The following ARF3 variants were observed in gnomAD, a reference collection of about 807,000 sequenced individuals.
ARF3 encodes the protein ARF GTPase 3.
A neutral mutation model predicts 19.3 loss-of-function variants in ARF3; 5 were observed. The ratio of observed to expected loss-of-function variants is 0.26; its 90% CI spans 0.14 to 0.54. The LOEUF is 0.54. Among genes scored for constraint, ARF3 ranks in the 20% least tolerant of loss-of-function variants. The pLI, the probability that ARF3 is intolerant of heterozygous loss-of-function variation, is 0.95. For missense variants in ARF3, 77 were observed against 234.2 expected (o/e 0.33, Z 4.38); for synonymous variants, 71 against 89.2 (o/e 0.80, Z 1.15).
chr12:48,945,734 C>A (rs954700863), intron 1 of ARF3, among the ~76,000 whole-genome samples: 3 of 152,110 alleles, frequency 2.0e-5, no homozygotes, highest in African/African-American at 2.4e-5. Context: ...AAATAAATAT[C>A]CAGTAGCTAT....
Position 48,938,841 on chromosome 12 carries a change from C to T in ARF3, c.*106G>A. On this transcript the variant is annotated 3_prime_UTR_variant, in exon 5 of 5. Transcript: ENST00000256682. ...TTGCTGGGCATGTGGACATGATACC[C>T]AGGGCCCTGGCCACACTTGCATGGA... 6.9e-7 allele frequency: 1 copy of T among 1,441,966 alleles called. No individual in the cohort carries two copies. The highest frequency in any genetic ancestry group is 9.4e-7 in the Non-Finnish European group (1 of 1,067,636). The allele number at this position is 1,441,966 out of a possible 1,614,324, so 89.3% of individuals were successfully genotyped here. A position where few individuals can be genotyped will look rare whatever the true frequency, so the allele number is the denominator to read the frequency against.
intron 1 of ARF3, among the ~76,000 whole-genome samples, chr12:48,949,288 C>T (rs7976473): frequency 0.37 from 55,646 of 151,750 alleles, 11,556 homozygotes; most frequent in South Asian, 0.53. Context: ...TGCAGTGGCG[C>T]GATCTCGGCT....
chr12:48,940,704 G>A (rs1940241060), intron 2 of ARF3, among the ~76,000 whole-genome samples: 2 of 152,182 alleles, frequency 1.3e-5, no homozygotes, highest in African/African-American at 4.8e-5. Context: ...AACCAACTCC[G>A]TGCCTGAGGG....
Position 48,938,623 on chromosome 12 carries a change from CCAAA to C in ARF3, c.*320_*323del. 1 of 445,402 alleles carries C rather than the reference CCAAA, an allele frequency of 2.2e-6. No individual in the cohort carries two copies. Among genetic ancestry groups the C allele is most frequent in the South Asian group, 1.6e-5 (1 of 61,226 alleles). The allele number at this position is 445,402 out of a possible 1,614,324, so 27.6% of individuals were successfully genotyped here. A position where few individuals can be genotyped will look rare whatever the true frequency, so the allele number is the denominator to read the frequency against. On this transcript the variant is annotated 3_prime_UTR_variant, in exon 5 of 5. Coordinates refer to ENST00000256682, the MANE Select transcript of ARF3 (RefSeq NM_001659.3). ...GATGCCAAGAGGACAGCAACCACTG[CCAAA>C]CAAAGAGAATACCCCACTCGACCTC...
In ARF3 at chr12:48,935,854, A is replaced by G. The variant is rs981975598; in HGVS notation, c.*3093T>C. On this transcript the variant is annotated 3_prime_UTR_variant, in exon 5 of 5. Coordinates refer to ENST00000256682, the MANE Select transcript of ARF3 (RefSeq NM_001659.3). ...AGAGTAGAGGCACATGGGGCCCTCC[A>G]AGTTCAGGGCCCTTCAGCCAGTGAA... The G allele has an allele frequency of 5.9e-5, 9 of 152,218 alleles. No homozygotes were observed. The highest frequency in any genetic ancestry group is 2.4e-5 in the African/African-American group (1 of 41,450). 9.4% of individuals were successfully genotyped at this position (152,218 alleles called of 1,614,324 possible). A position where few individuals can be genotyped will look rare whatever the true frequency, so the allele number is the denominator to read the frequency against.
chr12:48,947,481 C>A (rs573043456), intron 1 of ARF3, among the ~76,000 whole-genome samples: 6 of 152,014 alleles, frequency 3.9e-5, no homozygotes, highest in Non-Finnish European at 8.8e-5. Context: ...TAATTTTTTG[C>A]ATTTTTAGTA....
chr12:48,940,902 G>C (rs768114235), intron 2 of ARF3, 46 bp downstream of exon 2: 5 of 1,518,856 alleles, frequency 3.3e-6, no homozygotes, highest in Non-Finnish European at 4.4e-6. Flanking sequence ...TCCCTGCCCT[G>C]CCTCAGCTGC....
intron 1 of ARF3, among the ~76,000 whole-genome samples, chr12:48,946,246 G>A (rs1940357161): frequency 6.6e-6 from 1 of 152,178 alleles, no homozygotes; most frequent in African/African-American, 2.4e-5. Flanking sequence ...GCAGCTTTCT[G>A]CTTTGTGCCA....
In ARF3 at chr12:48,936,120, G is replaced by A. The variant is rs1442702278; in HGVS notation, c.*2827C>T. On this transcript the variant is annotated 3_prime_UTR_variant, in exon 5 of 5. Transcript: ENST00000256682. ...CTTTGCTGAAAGAAGGAGCACTATG[G>A]AGAGAGGGACCAGAAACAGGACTCC... 6.6e-6 allele frequency: 1 copy of A among 152,382 alleles called. No individual in the cohort carries two copies. The highest frequency in any genetic ancestry group is 2.4e-5 in the African/African-American group (1 of 41,426). 9.4% of individuals were successfully genotyped at this position (152,382 alleles called of 1,614,324 possible). A position where few individuals can be genotyped will look rare whatever the true frequency, so the allele number is the denominator to read the frequency against.
intron 1 of ARF3, among the ~76,000 whole-genome samples, chr12:48,943,894 C>T (rs1263167003): frequency 6.6e-6 from 1 of 152,142 alleles, no homozygotes; most frequent in Non-Finnish European, 1.5e-5. Context: ...TCAAGCCACC[C>T]GCTAGCCTTC....
At chr12:48,956,430 T>C (rs1408191153) in intron 1 of ARF3, 1 of 152,162 alleles carries the variant, frequency 6.6e-6, no homozygotes, top group Non-Finnish European at 1.5e-5. Context: ...GCTAATCAAG[T>C]GGCCCGTTTT....
At chr12:48,952,129 G>C (rs1340500796) in intron 1 of ARF3, among the ~76,000 whole-genome samples, 2 of 152,170 alleles carry the variant, frequency 1.3e-5, no homozygotes, top group Non-Finnish European at 2.9e-5. Flanking sequence ...TTAGGCTCAG[G>C]CCAGAATTGT....
Position 48,937,284 on chromosome 12 carries a change from C to G in ARF3, c.*1663G>C, listed in dbSNP as rs1565705263. The G allele has an allele frequency of 6.6e-6, 1 of 152,236 alleles. No individual in the cohort carries two copies. The highest frequency in any genetic ancestry group is 2.4e-5 in the African/African-American group (1 of 41,452). The allele number at this position is 152,236 out of a possible 1,614,324, so 9.4% of individuals were successfully genotyped here. A position where few individuals can be genotyped will look rare whatever the true frequency, so the allele number is the denominator to read the frequency against. On this transcript the variant is annotated 3_prime_UTR_variant, in exon 5 of 5. Coordinates refer to ENST00000256682, the MANE Select transcript of ARF3 (RefSeq NM_001659.3). ...ACTGGGAAGGGGTCCCTCAGCCATGCTGTGGGGGGCCCTGGGCCCTGACCT... is the reference window on the plus strand; with the variant it reads ...ACTGGGAAGGGGTCCCTCAGCCATGGTGTGGGGGGCCCTGGGCCCTGACCT...
At chr12:48,947,813 A>C (rs1940385499) in intron 1 of ARF3, among the ~76,000 whole-genome samples, 1 of 152,162 alleles carries the variant, frequency 6.6e-6, no homozygotes, top group African/African-American at 2.4e-5. Context: ...GTGATTCTGA[A>C]ACCTAATTCT....
intron 1 of ARF3, chr12:48,957,053 A>T (rs1940583115): frequency 6.6e-6 from 1 of 152,288 alleles, no homozygotes; most frequent in South Asian, 2.1e-4. Context: ...ACTGCAGCCC[A>T]GGTCGCCCCC....
At chr12:48,942,012 A>G (rs1055662169) in intron 1 of ARF3, among the ~76,000 whole-genome samples, 1 of 152,138 alleles carries the variant, frequency 6.6e-6, no homozygotes, top group Admixed American at 6.5e-5. Context: ...CTTTCGGCCT[A>G]TTCTCCATAT....
At position 48,957,325 on chromosome 12, in the gene ARF3, G is replaced by A; in HGVS notation, c.-109C>T. 6.4e-6 allele frequency: 1 copy of A among 155,946 alleles called. No homozygotes were observed. The highest frequency in any genetic ancestry group is 1.4e-5 in the Non-Finnish European group (1 of 70,998). 9.7% of individuals were successfully genotyped at this position (155,946 alleles called of 1,614,324 possible). A position where few individuals can be genotyped will look rare whatever the true frequency, so the allele number is the denominator to read the frequency against. On this transcript the variant is annotated 5_prime_UTR_variant, in exon 1 of 5. Coordinates refer to ENST00000256682, the MANE Select transcript of ARF3 (RefSeq NM_001659.3). ...AGCCTCTCACCTGTTCCTGCTATCAGCTGCGCCGCTGCGGCCGCCGCCTCT... is the reference window on the plus strand; with the variant it reads ...AGCCTCTCACCTGTTCCTGCTATCAACTGCGCCGCTGCGGCCGCCGCCTCT...
At chr12:48,940,581 C>T (rs952407686) in intron 2 of ARF3, among the ~76,000 whole-genome samples, 1 of 152,238 alleles carries the variant, frequency 6.6e-6, no homozygotes, top group Non-Finnish European at 1.5e-5. Context: ...GGAGACCTCC[C>T]TTCAGCAAAC....
chr12:48,939,847 AC>A lies in ARF3; in HGVS notation c.260-69del. Reference sequence around the variant, plus strand: ...CCCCTCCCCCCAACCAAAAGACCACACCTGCCTGACACCCTCCAAATATTTG... The same window carrying A: ...CCCCTCCCCCCAACCAAAAGACCACACTGCCTGACACCCTCCAAATATTTG... On this transcript the variant is annotated intron_variant, in intron 3 of 4. Transcript: ENST00000256682. This position sits in a 1 kb window ranked among gnomAD's most constrained non-coding sequence, Gnocchi z 4.8. The A allele has an allele frequency of 4.4e-6, 7 of 1,606,292 alleles. No homozygotes were observed. The highest frequency in any genetic ancestry group is 6.0e-6 in the Non-Finnish European group (7 of 1,174,184).
Sources: allele counts gnomAD v4.1 joint callset (sites outside exome capture counted in the v4.1 genomes callset), GRCh38; gene constraint gnomAD v4.1.1; non-coding constraint Gnocchi (gnomAD v3.1); transcripts MANE v1.5; gene names NCBI Gene and HGNC (gene_info 2026-07-23, HGNC 2026-07-21).